The following COPS4 variants were observed in gnomAD, a reference collection of about 807,000 sequenced individuals.
COPS4 encodes the protein COP9 signalosome subunit 4.
A neutral mutation model predicts 55.1 loss-of-function variants in COPS4; 8 were observed. That is an observed-to-expected ratio of 0.15 (90% CI 0.09 to 0.26). The LOEUF is 0.26. Among genes scored for constraint, COPS4 ranks in the 10% least tolerant of loss-of-function variants. The pLI is 1.00. For synonymous variants in COPS4, 185 were observed against 165.7 expected (o/e 1.12, Z -0.90); for missense variants, 248 against 484.0 (o/e 0.51, Z 4.58).
At position 83,075,686 on chromosome 4, in the gene COPS4, G is replaced by A. The variant is rs1578726641; in HGVS notation, c.*256G>A. On this transcript the variant is annotated 3_prime_UTR_variant, in exon 10 of 10. Coordinates refer to ENST00000264389, the MANE Select transcript of COPS4 (RefSeq NM_016129.3). Reference sequence around the variant, plus strand: ...TTCTTTAAACAGAGGTGAAATATCTGTGGCTAAAAAGTTTGAGATTTGTGA... The same window carrying A: ...TTCTTTAAACAGAGGTGAAATATCTATGGCTAAAAAGTTTGAGATTTGTGA... 3.1e-6 allele frequency: 1 copy of A among 318,612 alleles called. No homozygotes were observed. Among genetic ancestry groups the A allele is most frequent in the East Asian group, 5.4e-5 (1 of 18,630 alleles). 19.7% of individuals were successfully genotyped at this position (318,612 alleles called of 1,614,324 possible).
At chr4:83,042,872 T>A (rs1247512433) in intron 1 of COPS4, among the ~76,000 whole-genome samples, 1 of 152,058 alleles carries the variant, frequency 6.6e-6, no homozygotes, top group Non-Finnish European at 1.5e-5. Context: ...CCCAAAGTGC[T>A]GGGATTACAG....
chr4:83,058,510 C>T (rs184452579), intron 6 of COPS4, among the ~76,000 whole-genome samples: 7 of 152,298 alleles, frequency 4.6e-5, no homozygotes, highest in Admixed American at 3.3e-4. Flanking sequence ...TGAGCCACCA[C>T]GTCCATTCCA....
chr4:83,054,911 C>T (rs1296020173), intron 4 of COPS4, among the ~76,000 whole-genome samples: 1 of 151,862 alleles, frequency 6.6e-6, no homozygotes, highest in Non-Finnish European at 1.5e-5. Flanking sequence ...TGAAAGTAAT[C>T]GATATAATAG....
chr4:83,056,298 A>G (rs1381790557), intron 4 of COPS4, among the ~76,000 whole-genome samples: 1 of 152,126 alleles, frequency 6.6e-6, no homozygotes, highest in Non-Finnish European at 1.5e-5. Context: ...AAGGATTCAA[A>G]GGATGGTTGG....
At chr4:83,043,315 G>A (rs1221697279) in intron 1 of COPS4, among the ~76,000 whole-genome samples, 1 of 151,736 alleles carries the variant, frequency 6.6e-6, no homozygotes, top group Non-Finnish European at 1.5e-5. Flanking sequence ...CCAGAAGTTG[G>A]AGACCAGTTT....
chr4:83,037,146 ATC>A (rs753958085), intron 1 of COPS4, among the ~76,000 whole-genome samples: 5 of 151,332 alleles, frequency 3.3e-5, no homozygotes, highest in African/African-American at 1.2e-4. Context: ...TCTTGCCTGG[ATC>A]TCTCTCTCTC....
At chr4:83,046,982 G>A (rs1730734555) in intron 2 of COPS4, among the ~76,000 whole-genome samples, 1 of 152,040 alleles carries the variant, frequency 6.6e-6, no homozygotes, top group South Asian at 2.1e-4. Flanking sequence ...AATGCCTAAT[G>A]ACACTTGTAA....
rs1202479845 is a variant in COPS4, at chr4:83,063,383, TTAAAATTTTTTTTTTAATTTA to T, written c.886+151_886+171del. The T allele has an allele frequency of 1.3e-4, 81 of 621,866 alleles. 1 individual carries two copies. Among genetic ancestry groups the T allele is most frequent in the Non-Finnish European group, 1.8e-4 (77 of 420,086 alleles). The allele number at this position is 621,866 out of a possible 1,614,324, so 38.5% of individuals were successfully genotyped here. A position where few individuals can be genotyped will look rare whatever the true frequency, so the allele number is the denominator to read the frequency against. On this transcript the variant is annotated intron_variant, in intron 7 of 9. Coordinates refer to ENST00000264389, the MANE Select transcript of COPS4 (RefSeq NM_016129.3). The stretch of plus-strand genomic sequence containing the variant: ...ATAAAAAAAGAGGAATTGTTTTTAT[TTAAAATTTTTTTTTTAATTTA>T]TAAAATTTTTTTTGAGACAGAGTCT...
At chr4:83,069,882 C>T (rs1478491057) in intron 9 of COPS4, among the ~76,000 whole-genome samples, 2 of 152,076 alleles carry the variant, frequency 1.3e-5, no homozygotes, top group Non-Finnish European at 2.9e-5. Flanking sequence ...TTTCCCCTCC[C>T]ACCAAAAAAC....
intron 1 of COPS4, 99 bp downstream of exon 1, chr4:83,035,397 G>A: frequency 1.9e-6 from 2 of 1,025,736 alleles, no homozygotes; most frequent in Admixed American, 2.2e-5. Flanking sequence ...GTGAAGCTAG[G>A]AGCCGGCCTG....
intron 4 of COPS4, among the ~76,000 whole-genome samples, chr4:83,056,351 A>T (rs548039459): frequency 6.6e-6 from 1 of 152,218 alleles, no homozygotes; most frequent in African/African-American, 2.4e-5. Flanking sequence ...TTGTCCCACT[A>T]GTCATATATG....
chr4:83,065,146 G>A (rs2126133785), intron 7 of COPS4: 1 of 629,704 alleles, frequency 1.6e-6, no homozygotes, highest in Admixed American at 2.3e-5. Context: ...AAAGTGCTGG[G>A]ATGATAGGGG....
intron 9 of COPS4, among the ~76,000 whole-genome samples, chr4:83,073,914 G>A (rs1004434646): frequency 1.5e-4 from 22 of 150,358 alleles, no homozygotes; most frequent in African/African-American, 5.4e-4. Flanking sequence ...CTGATATCGC[G>A]CCACTGCACT....
chr4:83,049,946 C>T lies in COPS4; in HGVS notation c.372C>T (p.Ala124=), dbSNP rs1478710765. 1.2e-6 allele frequency: 2 copies of T among 1,610,754 alleles called. No homozygotes were observed. The highest frequency in any genetic ancestry group is 2.2e-5 in the East Asian group (1 of 44,660). ...AAGAAGAAGATTGGAGAAATGCAGCCCAAGTGTTGGTGGGAATTCCTTTGG... is the reference window on the plus strand; with the variant it reads ...AAGAAGAAGATTGGAGAAATGCAGCTCAAGTGTTGGTGGGAATTCCTTTGG... ...YEKEEDWRNA[A]QVLVGIPLET... The change falls in exon 4 of 10, where the codon GCC becomes GCT. Residue 124 remains alanine, a synonymous_variant. Coordinates refer to ENST00000264389, the MANE Select transcript of COPS4 (RefSeq NM_016129.3).
At chr4:83,038,756 C>G (rs1365642381) in intron 1 of COPS4, among the ~76,000 whole-genome samples, 1 of 152,192 alleles carries the variant, frequency 6.6e-6, no homozygotes, top group Non-Finnish European at 1.5e-5. Context: ...ATTCTTCTGC[C>G]TCAGCCTCCC....
At chr4:83,056,640 A>G (rs1731021785) in intron 4 of COPS4, among the ~76,000 whole-genome samples, 4 of 152,102 alleles carry the variant, frequency 2.6e-5, no homozygotes, top group Admixed American at 2.6e-4. Flanking sequence ...CTACTAAAAA[A>G]TACAAAAAAT....
At chr4:83,036,535 A>G (rs1730423189) in intron 1 of COPS4, among the ~76,000 whole-genome samples, 1 of 152,196 alleles carries the variant, frequency 6.6e-6, no homozygotes, top group Admixed American at 6.5e-5. Context: ...ACTCAGGAAA[A>G]TGAAGATAAT....
chr4:83,041,910 G>A (rs1451465685), intron 1 of COPS4, among the ~76,000 whole-genome samples: 1 of 151,052 alleles, frequency 6.6e-6, no homozygotes, highest in African/African-American at 2.4e-5. Context: ...TGTCACCCAG[G>A]CTGAAGTGCA....
intron 9 of COPS4, among the ~76,000 whole-genome samples, chr4:83,072,852 C>T (rs1731470741): frequency 6.6e-6 from 1 of 152,162 alleles, no homozygotes; most frequent in East Asian, 1.9e-4. Context: ...AAAGCAACTC[C>T]TGCTTCCCAC....
Sources: gnomAD v4.1 joint callset for allele counts (sites outside exome capture counted in the v4.1 genomes callset) on GRCh38, gnomAD v4.1.1 for gene constraint, MANE v1.5 for transcripts, NCBI Gene and HGNC (gene_info 2026-07-23, HGNC 2026-07-21) for gene names.